FSTL4: variants seen among roughly 807,000 people sequenced by gnomAD.
The protein encoded by FSTL4 is follistatin like 4, also known as follistatin-related protein 4.
A neutral mutation model predicts 78.2 loss-of-function variants in FSTL4; 28 were observed. That is an observed-to-expected ratio of 0.36 (90% CI 0.27 to 0.49). The LOEUF is 0.49. Ranked by LOEUF, FSTL4 falls within the 20% of genes least tolerant of loss-of-function variation. FSTL4 has a pLI of 0.98. For missense variants in FSTL4, 922 were observed against 1,084.9 expected, an observed-to-expected ratio of 0.85 and a Z score of 2.11; for synonymous variants, 422 against 440.5, an observed-to-expected ratio of 0.96 and a Z score of 0.53.
chr5:133,553,306 C>A (rs1296893625), intron 3 of FSTL4, among the ~76,000 whole-genome samples: 3 of 152,156 alleles, frequency 2.0e-5, no homozygotes, highest in Non-Finnish European at 2.9e-5. Context: ...TCCACATGTT[C>A]CCCTCCCATC....
chr5:133,642,233 T>C, the FSTL4 span, among the ~76,000 whole-genome samples: 2 of 152,172 alleles, frequency 1.3e-5, no homozygotes, highest in South Asian at 2.1e-4. Flanking sequence ...GGCTAGCTTC[T>C]GAGATAGAAG....
chr5:133,698,834 G>A, the FSTL4 span, among the ~76,000 whole-genome samples: 19 of 152,348 alleles, frequency 1.2e-4, no homozygotes, highest in South Asian at 2.7e-3. Flanking sequence ...ACGAGACCTC[G>A]GGAGGCCGGG....
intron 3 of FSTL4, among the ~76,000 whole-genome samples, chr5:133,424,939 C>T (rs141391760): frequency 6.6e-6 from 1 of 152,304 alleles, no homozygotes; most frequent in African/African-American, 2.4e-5. Context: ...TCCTCCCTTC[C>T]CATCAAATAG....
At chr5:133,397,402 T>C (rs1756085823) in intron 4 of FSTL4, among the ~76,000 whole-genome samples, 2 of 152,246 alleles carry the variant, frequency 1.3e-5, no homozygotes, top group Non-Finnish European at 2.9e-5. Flanking sequence ...TCAGGAGATC[T>C]GGGATCAAAG....
intron 6 of FSTL4, among the ~76,000 whole-genome samples, chr5:133,260,188 G>A (rs1378532722): frequency 6.6e-6 from 1 of 152,228 alleles, no homozygotes; most frequent in Non-Finnish European, 1.5e-5. Context: ...GCCGAAGGCA[G>A]ACACAGAGCC....
rs1752583774 is a variant in FSTL4 at position 133,263,681 on chromosome 5, TAGAG to T, written c.728-14109_728-14106del. 2.0e-5 allele frequency among the ~76,000 whole-genome samples: 3 copies of T among 152,222 alleles called. No individual in the cohort carries two copies. In the South Asian group the frequency reaches 6.2e-4, roughly 32 times the overall value. On this transcript the variant is annotated intron_variant, in intron 6 of 15. Transcript: ENST00000265342. ...ATTCTTTAGAAGGGTTTTGTCATGA[TAGAG>T]AGCAGAGAAATGGGATGGTAGACAG...
At chr5:133,312,396 A>AATTACAGT (rs1174048260) in intron 6 of FSTL4, 1 of 480,932 alleles carries the variant, frequency 2.1e-6, no homozygotes, top group African/African-American at 2.0e-5. Context: ...GCTATGCTTC[A>AATTACAGT]ATTACAGTCC....
At chr5:133,641,814 C>A in the FSTL4 span, among the ~76,000 whole-genome samples, 1 of 151,764 alleles carries the variant, frequency 6.6e-6, no homozygotes, top group African/African-American at 2.4e-5. Flanking sequence ...TCCTCCTCTT[C>A]CTCCTCCTCC....
chr5:133,238,068 A>G (rs1427813639), intron 7 of FSTL4, among the ~76,000 whole-genome samples: 1 of 152,248 alleles, frequency 6.6e-6, no homozygotes, highest in Non-Finnish European at 1.5e-5. Context: ...AGACTTAAGT[A>G]TTAAACAATA....
At chr5:133,718,227 G>A in the FSTL4 span, among the ~76,000 whole-genome samples, 6 of 152,066 alleles carry the variant, frequency 3.9e-5, no homozygotes, top group African/African-American at 1.4e-4. Flanking sequence ...CGAGTGGTGT[G>A]TGCCACCATG....
chr5:133,615,420 C>G (rs6867824), upstream of FSTL4, among the ~76,000 whole-genome samples: 1 of 152,204 alleles, frequency 6.6e-6, no homozygotes, highest in Non-Finnish European at 1.5e-5. Context: ...GTCTCTCTCC[C>G]GCCTCAGCCT....
intron 3 of FSTL4, among the ~76,000 whole-genome samples, chr5:133,408,441 A>G (rs915286532): frequency 6.6e-6 from 1 of 152,098 alleles, no homozygotes; most frequent in Non-Finnish European, 1.5e-5. Context: ...AGACTTACTG[A>G]GACAGAGAGA....
chr5:133,485,755 A>G (rs922112995), intron 3 of FSTL4, among the ~76,000 whole-genome samples: 6 of 152,178 alleles, frequency 3.9e-5, no homozygotes, highest in Non-Finnish European at 5.9e-5. Context: ...CTGCTGGCTA[A>G]AGAGTCAAAT....
chr5:133,542,141 A>G (rs1759487291), intron 3 of FSTL4, among the ~76,000 whole-genome samples: 2 of 152,236 alleles, frequency 1.3e-5, no homozygotes, highest in Admixed American at 1.3e-4. Context: ...AAGTTAAAGA[A>G]GTTCCCTTCT....
rs571742158 is a variant in FSTL4 at position 133,365,822 on chromosome 5, G to A, written c.409+34916C>T. Among the ~76,000 whole-genome samples the A allele has an allele frequency of 5.3e-5, 8 of 152,296 alleles. No homozygotes were observed. The East Asian group carries it at 5.8e-4, about 11-fold the overall frequency. On this transcript the variant is annotated intron_variant, in intron 4 of 15. Transcript: ENST00000265342. Reference sequence around the variant, plus strand: ...AGAATGGCCAGTTAATCAGAACACCGAATGCTGAAAAGGTCGGACCAGGGC... The same window carrying A: ...AGAATGGCCAGTTAATCAGAACACCAAATGCTGAAAAGGTCGGACCAGGGC...
chr5:133,666,072 C>T, the FSTL4 span, among the ~76,000 whole-genome samples: 1 of 151,588 alleles, frequency 6.6e-6, no homozygotes, highest in Admixed American at 6.6e-5. Context: ...CATATCCTAT[C>T]ACTTGCCAAT....
intron 3 of FSTL4, among the ~76,000 whole-genome samples, chr5:133,520,734 AT>A (rs1290786207): frequency 6.6e-6 from 1 of 152,140 alleles, no homozygotes; most frequent in East Asian, 1.9e-4. Flanking sequence ...ATGTGTGTGT[AT>A]TCTGCATACA....
At chr5:133,303,054 C>T (rs1753583456) in intron 6 of FSTL4, among the ~76,000 whole-genome samples, 1 of 152,202 alleles carries the variant, frequency 6.6e-6, no homozygotes, top group African/African-American at 2.4e-5. Flanking sequence ...CGAGGTCACC[C>T]CTACTTTCCC....
the FSTL4 span, among the ~76,000 whole-genome samples, chr5:133,671,039 A>T: frequency 6.6e-6 from 1 of 152,208 alleles, no homozygotes; most frequent in Non-Finnish European, 1.5e-5. Flanking sequence ...GCCTAGGCAC[A>T]TCAAGGCTAC....
Sources: gnomAD v4.1 joint callset for allele counts (sites outside exome capture counted in the v4.1 genomes callset) on GRCh38, gnomAD v4.1.1 for gene constraint, MANE v1.5 for transcripts, NCBI Gene and HGNC (gene_info 2026-07-23, HGNC 2026-07-21) for gene names.